ZNF518A: variants seen among roughly 807,000 people sequenced by gnomAD.
ZNF518A encodes zinc finger protein 518A, also known as zinc finger protein 518.
In ZNF518A, 47 loss-of-function variants were observed where a neutral mutation model predicts 102.7. That is an observed-to-expected ratio of 0.46 (90% CI 0.36 to 0.58). The LOEUF is 0.58. ZNF518A is among the 20% of genes least tolerant of loss of function. The pLI is 0.00. For missense variants in ZNF518A, 1,793 were observed against 1,699.8 expected, an observed-to-expected ratio of 1.05 and a Z score of -0.96; for synonymous variants, 652 against 594.6, an observed-to-expected ratio of 1.10 and a Z score of -1.40.
At position 96,161,273 on chromosome 10, in the gene ZNF518A, T is replaced by TA. The variant is rs2082989949; in HGVS notation, c.*500dup. On this transcript the variant is annotated 3_prime_UTR_variant, in exon 6 of 6. Transcript: ENST00000316045. ...AAGAAGTCACTCTATATCTGCTAAA[T>TA]ATAGTTATTTTGAAGGATATTAGGC... 1 of 167,146 alleles carries TA rather than the reference T, an allele frequency of 6.0e-6. No individual in the cohort carries two copies. The highest frequency in any genetic ancestry group is 6.5e-5 in the Admixed American group (1 of 15,276). The allele number at this position is 167,146 out of a possible 1,614,324, so 10.4% of individuals were successfully genotyped here. A position where few individuals can be genotyped will look rare whatever the true frequency, so the allele number is the denominator to read the frequency against.
intron 1 of ZNF518A, among the ~76,000 whole-genome samples, chr10:96,169,137 T>C (rs1015672571): frequency 1.3e-5 from 2 of 152,114 alleles, no homozygotes; most frequent in African/African-American, 4.8e-5. Context: ...CAAGCATTCC[T>C]TCCACCACAA....
intron 5 of ZNF518A, 57 bp downstream of exon 5, chr10:96,156,104 A>T (rs2082682292): frequency 3.1e-6 from 1 of 327,376 alleles, no homozygotes; most frequent in African/African-American, 2.1e-5. Context: ...TATGTTTTTG[A>T]TTAACATTCC....
At chr10:96,198,186 T>C (rs1234476835) in intron 1 of ZNF518A, among the ~76,000 whole-genome samples, 1 of 151,784 alleles carries the variant, frequency 6.6e-6, no homozygotes, top group Non-Finnish European at 1.5e-5. Context: ...GAAATGACAC[T>C]TGAAGGAAGG....
intron 1 of ZNF518A, among the ~76,000 whole-genome samples, chr10:96,188,516 G>A (rs1486014015): frequency 2.0e-5 from 3 of 152,148 alleles, no homozygotes; most frequent in African/African-American, 7.2e-5. Context: ...GTAGCAGTGG[G>A]AATTAATGAG....
At chr10:96,175,215 T>C (rs967873705) in intron 1 of ZNF518A, among the ~76,000 whole-genome samples, 1 of 152,200 alleles carries the variant, frequency 6.6e-6, no homozygotes, top group Non-Finnish European at 1.5e-5. Flanking sequence ...AAAGAAAATT[T>C]CCTTATGAAT....
chr10:96,156,250 G>A lies in ZNF518A; in HGVS notation c.-73G>A, dbSNP rs899216965. 22 of 1,449,892 alleles carry A rather than the reference G, an allele frequency of 1.5e-5. No individual in the cohort carries two copies. The East Asian group carries it at 3.9e-4, about 26-fold the overall frequency. The allele number at this position is 1,449,892 out of a possible 1,614,324, so 89.8% of individuals were successfully genotyped here. ...ATTGAAGATGTCTCTACACAGTATCGTTTCCTGTTTAAATTACAGATAACT... is the reference window on the plus strand; with the variant it reads ...ATTGAAGATGTCTCTACACAGTATCATTTCCTGTTTAAATTACAGATAACT... On this transcript the variant is annotated 5_prime_UTR_variant, in exon 6 of 6. Transcript: ENST00000316045.
In ZNF518A at chr10:96,196,878, T is replaced by C. The variant is rs782552788; in HGVS notation, n.36-6696T>C. 15 of 1,604,036 alleles carry C rather than the reference T, an allele frequency of 9.4e-6. No individual in the cohort carries two copies. The South Asian group carries it at 1.2e-4, about 13-fold the overall frequency. Reference sequence around the variant, plus strand: ...TGTCATTATACTCAATGCATAGTTATAGAATTGAATTTAAAAAGAAATCAC... The same window carrying C: ...TGTCATTATACTCAATGCATAGTTACAGAATTGAATTTAAAAAGAAATCAC... On this transcript the variant is annotated intron_variant and non_coding_transcript_variant, in intron 1 of 2. Transcript: ENST00000442635.
intron 1 of ZNF518A, among the ~76,000 whole-genome samples, chr10:96,171,057 A>G (rs1419789701): frequency 1.3e-5 from 2 of 151,844 alleles, no homozygotes; most frequent in African/African-American, 4.8e-5. Context: ...GAGGCCAGGA[A>G]GAGTTTGGAA....
chr10:96,148,290 A>G (rs2082262902), intron 3 of ZNF518A, among the ~76,000 whole-genome samples: 1 of 152,178 alleles, frequency 6.6e-6, no homozygotes, highest in African/African-American at 2.4e-5. Context: ...AAAATACAAA[A>G]TTAGCCTGGT....
At chr10:96,185,017 C>A (rs2083262708) in intron 1 of ZNF518A, among the ~76,000 whole-genome samples, 1 of 152,078 alleles carries the variant, frequency 6.6e-6, no homozygotes, top group African/African-American at 2.4e-5. Context: ...ACTCTTTTTT[C>A]TCTAAACTTC....
At chr10:96,197,028 A>C (rs371617732) in intron 1 of ZNF518A, 2 of 1,613,210 alleles carry the variant, frequency 1.2e-6, no homozygotes, top group South Asian at 2.2e-5. Flanking sequence ...GTTTGGAATC[A>C]TGGCCAGAGC....
chr10:96,134,488 C>A (rs1182694927), intron 3 of ZNF518A, among the ~76,000 whole-genome samples: 1 of 152,188 alleles, frequency 6.6e-6, no homozygotes, highest in Admixed American at 6.5e-5. Flanking sequence ...TCTGCTTTGG[C>A]CTCCCAAAGT....
At chr10:96,163,789 A>C (rs1554889343), downstream of ZNF518A, 1 of 166,916 alleles carries the variant, frequency 6.0e-6, no homozygotes, top group African/African-American at 2.4e-5. Flanking sequence ...GGCCCACCAG[A>C]CATAGTTTAC....
chr10:96,160,212 G>A lies in ZNF518A; in HGVS notation c.3890G>A (p.Arg1297Lys). 1 of 1,611,774 alleles carries A rather than the reference G, an allele frequency of 6.2e-7. No individual in the cohort carries two copies. The highest frequency in any genetic ancestry group is 8.5e-7 in the Non-Finnish European group (1 of 1,179,006). Residue 1297 changes from arginine (R) to lysine (K), a missense_variant, in exon 6 of 6, where the codon AGA becomes AAA. Transcript: ENST00000316045. ...CCAAGAAGAAAAGCAACATTGCATA[G>A]AAAGTGTAAAGAAAAGGCAAAACCT... is the stretch of plus-strand genomic sequence containing the variant. ...EPPRRKATLH[R>K]KCKEKAKPED... is the part of the protein sequence containing the mutation.
intron 3 of ZNF518A, among the ~76,000 whole-genome samples, chr10:96,150,338 A>G (rs1242031763): frequency 1.0e-4 from 15 of 149,578 alleles, no homozygotes; most frequent in African/African-American, 3.7e-4. Context: ...CATTTCGGAA[A>G]AAAAAAAAAA....
At chr10:96,191,869 T>C (rs959216291) in intron 1 of ZNF518A, 2 of 1,475,086 alleles carry the variant, frequency 1.4e-6, no homozygotes, top group Admixed American at 3.4e-5. Flanking sequence ...ATTTTATTAC[T>C]GGATGATTCA....
chr10:96,136,199 A>G (rs1317537418), intron 3 of ZNF518A, among the ~76,000 whole-genome samples: 1 of 151,964 alleles, frequency 6.6e-6, no homozygotes, highest in African/African-American at 2.4e-5. Flanking sequence ...TTTTCATATA[A>G]TTTCATTTTT....
In ZNF518A at chr10:96,158,555, A is replaced by T. The variant is rs782697039; in HGVS notation, c.2233A>T (p.Thr745Ser). The change falls in exon 6 of 6, where the codon ACT (threonine) becomes TCT (serine). Residue 745 changes from threonine (T) to serine (S), a missense_variant. Transcript: ENST00000316045. ...SNENQNLECA[T>S]EKSKWEDFSN... The stretch of plus-strand genomic sequence containing the variant: ...TGAAAATCAAAATTTAGAGTGTGCG[A>T]CTGAAAAATCTAAATGGGAAGACTT... 4.3e-6 allele frequency: 7 copies of T among 1,613,138 alleles called. No homozygotes were observed. Among genetic ancestry groups the T allele is most frequent in the Non-Finnish European group, 5.9e-6 (7 of 1,179,628 alleles).
At chr10:96,196,774 C>T (rs2083476869) in intron 1 of ZNF518A, 2 of 874,070 alleles carry the variant, frequency 2.3e-6, no homozygotes, top group Non-Finnish European at 3.5e-6. Flanking sequence ...ATCTTGTTCT[C>T]TATGACATTT....
Sources: gnomAD v4.1 joint callset for allele counts (sites outside exome capture counted in the v4.1 genomes callset) on GRCh38, gnomAD v4.1.1 for gene constraint, MANE v1.5 for transcripts, NCBI Gene and HGNC (gene_info 2026-07-23, HGNC 2026-07-21) for gene names.